SFMBT2: variants seen among roughly 807,000 people sequenced by gnomAD.
The protein encoded by SFMBT2 is Scm like with four mbt domains 2.
A neutral mutation model predicts 110.1 loss-of-function variants in SFMBT2; 38 were observed. The ratio of observed to expected loss-of-function variants is 0.35; its 90% confidence interval spans 0.27 to 0.45. The LOEUF (loss-of-function observed/expected upper bound fraction) is 0.45. Ranked by LOEUF, SFMBT2 falls within the 20% of genes least tolerant of loss-of-function variation. SFMBT2 has a pLI of 1.00. For missense variants in SFMBT2, 1,011 were observed against 1,094.9 expected (o/e 0.92, Z 1.08); for synonymous variants, 425 against 425.4 (o/e 1.00, Z 0.01).
At chr10:7,369,789 G>GT (rs1462186262) in intron 3 of SFMBT2, among the ~76,000 whole-genome samples, 1 of 152,090 alleles carries the variant, frequency 6.6e-6, no homozygotes, top group East Asian at 1.9e-4. Context: ...TATATTCCCT[G>GT]TAGCTATCCA....
At chr10:7,258,178 C>T (rs1032770253) in intron 7 of SFMBT2, among the ~76,000 whole-genome samples, 1 of 152,176 alleles carries the variant, frequency 6.6e-6, no homozygotes, top group Non-Finnish European at 1.5e-5. Flanking sequence ...AGCAATCCAA[C>T]CGCCTCAGCA....
At chr10:7,234,114 T>C (rs752106126) in intron 9 of SFMBT2, among the ~76,000 whole-genome samples, 36 of 152,208 alleles carry the variant, frequency 2.4e-4, no homozygotes, top group Non-Finnish European at 4.6e-4. Context: ...TGATGTTCAG[T>C]TTCAAGCCTT....
chr10:7,352,112 C>G (rs1844342777), intron 4 of SFMBT2, among the ~76,000 whole-genome samples: 1 of 151,606 alleles, frequency 6.6e-6, no homozygotes, highest in Non-Finnish European at 1.5e-5. Context: ...ACCAACACTT[C>G]CCACCCCGTA....
chr10:7,346,961 G>T (rs1844133489), intron 4 of SFMBT2, among the ~76,000 whole-genome samples: 1 of 151,968 alleles, frequency 6.6e-6, no homozygotes, highest in Non-Finnish European at 1.5e-5. Flanking sequence ...CTGCGCTCCA[G>T]CCTGGGCGAC....
At chr10:7,188,056 G>A (rs931350479) in intron 16 of SFMBT2, among the ~76,000 whole-genome samples, 4 of 152,132 alleles carry the variant, frequency 2.6e-5, no homozygotes, top group Admixed American at 6.5e-5. Flanking sequence ...CAGAGGTCAA[G>A]AAACCTAAAG....
intron 13 of SFMBT2, among the ~76,000 whole-genome samples, chr10:7,201,453 C>T (rs546731962): frequency 4.5e-4 from 69 of 152,294 alleles, no homozygotes; most frequent in African/African-American, 1.6e-3. Flanking sequence ...TATGAAATCT[C>T]TCTACTTCCC....
intron 7 of SFMBT2, among the ~76,000 whole-genome samples, chr10:7,253,792 T>C (rs73615434): frequency 0.041 from 5,842 of 143,148 alleles, 169 homozygotes; most frequent in African/African-American, 0.08. Flanking sequence ...GCCCTAACTT[T>C]CACTTTCTGA....
rs201914057 is a variant in SFMBT2 at position 7,220,435 on chromosome 10, G to T, written c.1306C>A (p.Arg436=). The T allele has an allele frequency of 6.2e-7, 1 of 1,613,522 alleles. No individual in the cohort carries two copies. Among genetic ancestry groups the T allele is most frequent in the Admixed American group, 1.7e-5 (1 of 59,974 alleles). Residue 436 remains arginine, a synonymous_variant, in exon 11 of 21, where the codon CGG becomes AGG. Transcript: ENST00000397167. ...CVASVVSVKG[R]LMWLHLEGLQ... ...CCTTCCAGGTGAAGCCACATTAGCC[G>T]CCCCTTCACACTCACAACGGAGGCC...
At chr10:7,312,185 C>G (rs1842876208) in intron 4 of SFMBT2, among the ~76,000 whole-genome samples, 1 of 151,980 alleles carries the variant, frequency 6.6e-6, no homozygotes, top group South Asian at 2.1e-4. Flanking sequence ...ATGTAACAAA[C>G]CTGCACATTG....
intron 2 of SFMBT2, among the ~76,000 whole-genome samples, chr10:7,378,003 G>T: frequency 6.6e-6 from 1 of 151,464 alleles, no homozygotes; most frequent in Non-Finnish European, 1.5e-5. Flanking sequence ...GTGTGAATGT[G>T]GGGGTGTATG....
chr10:7,270,195 G>C (rs1000113852), intron 7 of SFMBT2, among the ~76,000 whole-genome samples: 2 of 152,168 alleles, frequency 1.3e-5, no homozygotes, highest in African/African-American at 4.8e-5. Flanking sequence ...GAACCTGGAG[G>C]CAGGGAACCG....
intron 11 of SFMBT2, among the ~76,000 whole-genome samples, chr10:7,216,430 C>T (rs1293514233): frequency 6.6e-6 from 1 of 152,174 alleles, no homozygotes; most frequent in Non-Finnish European, 1.5e-5. Context: ...CCTGCCGCCG[C>T]CATGTAAGAC....
chr10:7,282,141 G>A (rs1198636206), intron 6 of SFMBT2, among the ~76,000 whole-genome samples: 1 of 152,160 alleles, frequency 6.6e-6, no homozygotes, highest in Non-Finnish European at 1.5e-5. Context: ...GAAGTCTTCA[G>A]TTAAATGAAC....
Position 7,172,512 on chromosome 10 carries a change from T to C in SFMBT2, c.2134A>G (p.Thr712Ala). 1 of 1,614,078 alleles carries C rather than the reference T, an allele frequency of 6.2e-7. No homozygotes were observed. Among genetic ancestry groups the C allele is most frequent in the Non-Finnish European group, 8.5e-7 (1 of 1,180,018 alleles). Residue 712 changes from threonine (T) to alanine (A), a missense_variant, in exon 18 of 21, where the codon ACC becomes GCC. Physicochemically the swap from Thr to Ala is moderately conservative, Grantham distance 58. This residue lies in a region of SFMBT2 where 979 missense variants were observed against 1,016.1 expected (regional missense o/e 0.96). Transcript: ENST00000397167. The surrounding 1 kb of genome is among the most constrained non-coding windows in gnomAD (Gnocchi z 4.6). ...KKRRSSAVDF[T>A]AGSGEESEEE... is the part of the protein sequence containing the mutation. ...GAACATACCTCCCCCGAGCCCGCGG[T>C]GAAGTCCACGGCAGAAGACCTCCGT... is the stretch of plus-strand genomic sequence containing the variant.
At position 7,293,404 on chromosome 10, in the gene SFMBT2, A is replaced by ATTT. The variant is rs532526512; in HGVS notation, c.437-7453_437-7451dup. ...GTGAGCCACTGTGCCTGGTCAAAGT[A>ATTT]TTTTTTTTTAATGTGAAGGTAAAGC... On this transcript the variant is annotated intron_variant, in intron 4 of 20. Transcript: ENST00000397167. This position sits in a 1 kb window ranked among gnomAD's most constrained non-coding sequence, Gnocchi z 4.6. Among the ~76,000 whole-genome samples, 3 of 150,978 alleles carry ATTT rather than the reference A, an allele frequency of 2.0e-5. No individual in the cohort carries two copies. The highest frequency in any genetic ancestry group is 7.3e-5 in the African/African-American group (3 of 41,128).
At chr10:7,340,022 G>A (rs987273896) in intron 4 of SFMBT2, among the ~76,000 whole-genome samples, 2 of 152,152 alleles carry the variant, frequency 1.3e-5, no homozygotes, top group Non-Finnish European at 2.9e-5. Context: ...GGTCTGACGG[G>A]GCATGAGTGT....
chr10:7,196,842 A>G lies in SFMBT2; in HGVS notation c.1698+706T>C, dbSNP rs535524397. 5.9e-5 allele frequency among the ~76,000 whole-genome samples: 9 copies of G among 152,322 alleles called. No individual in the cohort carries two copies. In the East Asian group the frequency reaches 1.7e-3, roughly 29 times the overall value. The stretch of plus-strand genomic sequence containing the variant: ...GTTTGGAAACTATTCCAAATTTCCA[A>G]TCTGTCTCCAAGCACTGTCTGAGGC... On this transcript the variant is annotated intron_variant, in intron 15 of 20. Coordinates refer to ENST00000397167, the MANE Select transcript of SFMBT2 (RefSeq NM_001387889.1).
At chr10:7,369,556 G>T (rs1307634601) in intron 3 of SFMBT2, among the ~76,000 whole-genome samples, 2 of 152,096 alleles carry the variant, frequency 1.3e-5, no homozygotes, top group Non-Finnish European at 2.9e-5. Flanking sequence ...GATGAGAGTG[G>T]TTTTTTTGGT....
chr10:7,356,112 C>T (rs1844502201), intron 4 of SFMBT2, among the ~76,000 whole-genome samples: 1 of 152,148 alleles, frequency 6.6e-6, no homozygotes, highest in Non-Finnish European at 1.5e-5. Flanking sequence ...TGTGTAGGTA[C>T]AGGGTGCTGG....
Sources: allele counts gnomAD v4.1 joint callset (sites outside exome capture counted in the v4.1 genomes callset), GRCh38; gene constraint gnomAD v4.1.1; regional missense constraint gnomAD v4.1.1; non-coding constraint Gnocchi (gnomAD v3.1); transcripts MANE v1.5; gene names NCBI Gene and HGNC (gene_info 2026-07-23, HGNC 2026-07-21).